Variants in AGBL4 observed in about 807,000 individuals in gnomAD.
The protein encoded by AGBL4 is AGBL carboxypeptidase 4.
In AGBL4, 58 loss-of-function variants were observed where a neutral mutation model predicts 66.4. The observed-to-expected ratio is 0.87, with a 90% CI of 0.71 to 1.09. The LOEUF is 1.09. Among genes scored for constraint, AGBL4 ranks in the 50% least tolerant of loss-of-function variants. The pLI is 0.00. For synonymous variants in AGBL4, 234 were observed against 222.9 expected, an observed-to-expected ratio of 1.05 and a Z score of -0.44; for missense variants, 579 against 631.0, an observed-to-expected ratio of 0.92 and a Z score of 0.88.
chr1:49,547,872 C>T (rs901199258), intron 3 of AGBL4, among the ~76,000 whole-genome samples: 6 of 151,648 alleles, frequency 4.0e-5, no homozygotes, highest in Non-Finnish European at 7.4e-5. Context: ...CTCCCGGGTT[C>T]AAGTGATTCT....
chr1:48,865,869 A>G (rs1013064169), intron 6 of AGBL4, among the ~76,000 whole-genome samples: 5 of 152,096 alleles, frequency 3.3e-5, no homozygotes, highest in Non-Finnish European at 2.9e-5. Flanking sequence ...ATAATCCCTC[A>G]CCACCACCTT....
chr1:49,192,434 G>T (rs1044293308), intron 4 of AGBL4, among the ~76,000 whole-genome samples: 1 of 152,120 alleles, frequency 6.6e-6, no homozygotes. Context: ...GAGTAGCTGG[G>T]ATTATAGGCA....
chr1:49,938,303 T>C (rs1654329419), intron 1 of AGBL4, among the ~76,000 whole-genome samples: 1 of 152,156 alleles, frequency 6.6e-6, no homozygotes, highest in African/African-American at 2.4e-5. Flanking sequence ...CAGGAAGAAG[T>C]TGAATCCCTG....
At chr1:49,914,767 GA>G (rs1651219060) in intron 1 of AGBL4, among the ~76,000 whole-genome samples, 1 of 152,110 alleles carries the variant, frequency 6.6e-6, no homozygotes. Flanking sequence ...GATTTATAAA[GA>G]AAAAGGTTAT....
chr1:49,384,075 A>G (rs1016511503), intron 3 of AGBL4, among the ~76,000 whole-genome samples: 3 of 152,024 alleles, frequency 2.0e-5, no homozygotes, highest in South Asian at 2.1e-4. Flanking sequence ...GACTATAGGC[A>G]TGAGCCACCA....
chr1:49,702,447 T>C (rs1218371827), intron 2 of AGBL4, among the ~76,000 whole-genome samples: 1 of 151,996 alleles, frequency 6.6e-6, no homozygotes, highest in Non-Finnish European at 1.5e-5. Flanking sequence ...GCCAAGATCG[T>C]GCCACTGCAC....
chr1:48,917,413 A>G (rs1653680986), intron 5 of AGBL4, among the ~76,000 whole-genome samples: 1 of 152,122 alleles, frequency 6.6e-6, no homozygotes, highest in South Asian at 2.1e-4. Flanking sequence ...AGGTAGAAAA[A>G]AAAATCACAC....
intron 6 of AGBL4, among the ~76,000 whole-genome samples, chr1:48,696,978 T>C (rs542694701): frequency 6.6e-6 from 1 of 152,242 alleles, no homozygotes; most frequent in Admixed American, 6.5e-5. Flanking sequence ...ACAGCTTGTG[T>C]GCTCACCTTC....
chr1:49,116,969 C>T (rs186176958), intron 4 of AGBL4, among the ~76,000 whole-genome samples: 1 of 152,158 alleles, frequency 6.6e-6, no homozygotes, highest in East Asian at 1.9e-4. Flanking sequence ...CTCTGATGAC[C>T]AGTGATGATG....
At chr1:49,242,520 ACAGTTCTTAGTTGTCTTGCAATGC>A (rs1557760175) in intron 4 of AGBL4, among the ~76,000 whole-genome samples, 1 of 152,010 alleles carries the variant, frequency 6.6e-6, no homozygotes, top group Admixed American at 6.6e-5. Flanking sequence ...AGGTGAAGAT[ACAGTTCTTAGTTGTCTTGCAATGC>A]CAGTTCCTAG....
intron 3 of AGBL4, among the ~76,000 whole-genome samples, chr1:49,637,456 A>G (rs1246522168): frequency 6.6e-6 from 1 of 151,694 alleles, no homozygotes; most frequent in Non-Finnish European, 1.5e-5. Context: ...GCCTGCCACC[A>G]CGCCCAGCTA....
intron 6 of AGBL4, among the ~76,000 whole-genome samples, chr1:48,795,756 G>A (rs573039596): frequency 6.6e-6 from 1 of 152,266 alleles, no homozygotes; most frequent in South Asian, 2.1e-4. Flanking sequence ...GGGTTCAAGC[G>A]ATTCTCCTGC....
intron 2 of AGBL4, among the ~76,000 whole-genome samples, chr1:49,723,704 T>A (rs1407861786): frequency 4.6e-5 from 7 of 152,254 alleles, no homozygotes; most frequent in African/African-American, 1.7e-4. Flanking sequence ...TATCACTTTC[T>A]TTATTATTTA....
intron 3 of AGBL4, among the ~76,000 whole-genome samples, chr1:49,661,087 G>C (rs1266108674): frequency 6.6e-6 from 1 of 152,022 alleles, no homozygotes; most frequent in African/African-American, 2.4e-5. Flanking sequence ...TGCATATCCT[G>C]CACATGTACC....
chr1:49,845,020 A>G (rs2148048633), intron 2 of AGBL4: 6 of 1,428,134 alleles, frequency 4.2e-6, no homozygotes, highest in East Asian at 2.3e-5. Flanking sequence ...ACGTGGAAAA[A>G]GGGAGAAGCC....
intron 6 of AGBL4, among the ~76,000 whole-genome samples, chr1:48,805,138 C>T (rs1645895154): frequency 6.6e-6 from 1 of 152,156 alleles, no homozygotes; most frequent in Non-Finnish European, 1.5e-5. Flanking sequence ...GGTTATTGGA[C>T]TCAAAGTACT....
At chr1:48,877,135 C>T (rs1018396193) in intron 5 of AGBL4, among the ~76,000 whole-genome samples, 1 of 152,154 alleles carries the variant, frequency 6.6e-6, no homozygotes, top group African/African-American at 2.4e-5. Flanking sequence ...TTCTCTCCTT[C>T]AGTAGGGTGG....
intron 3 of AGBL4, among the ~76,000 whole-genome samples, chr1:49,569,738 T>A (rs905794625): frequency 6.6e-6 from 1 of 152,130 alleles, no homozygotes; most frequent in Non-Finnish European, 1.5e-5. Flanking sequence ...ACCACTGCAA[T>A]ACACTCACCA....
intron 1 of AGBL4, among the ~76,000 whole-genome samples, chr1:50,019,758 T>C (rs549600208): frequency 6.6e-6 from 1 of 152,162 alleles, no homozygotes; most frequent in Admixed American, 6.5e-5. Context: ...AATAAAAGCT[T>C]TTTTAAGATA....
Sources: gnomAD v4.1 joint callset for allele counts (sites outside exome capture counted in the v4.1 genomes callset) on GRCh38, gnomAD v4.1.1 for gene constraint, MANE v1.5 for transcripts, NCBI Gene and HGNC (gene_info 2026-07-23, HGNC 2026-07-21) for gene names.